Variants in CDH15 observed in about 807,000 individuals in gnomAD.
CDH15 encodes the protein cadherin 15.
In CDH15, 73 loss-of-function variants were observed where a neutral mutation model predicts 69.4. The ratio of observed to expected loss-of-function variants is 1.05; its 90% CI spans 0.87 to 1.28. CDH15 has a LOEUF of 1.28. CDH15 is among the 50% of genes most tolerant of loss of function. The pLI is 0.00. For synonymous variants in CDH15, 624 were observed against 507.7 expected (o/e 1.23, Z -3.08); for missense variants, 1,343 against 1,133.6 (o/e 1.18, Z -2.65).
intron 9 of CDH15, 70 bp downstream of exon 9, chr16:89,191,542 G>A (rs936700555): frequency 6.9e-5 from 110 of 1,596,866 alleles, no homozygotes; most frequent in Middle Eastern, 1.8e-4. Flanking sequence ...TGCCAGTGTC[G>A]GAGGGCTCTG....
chr16:89,180,966 C>T (rs1477097771), intron 3 of CDH15, among the ~76,000 whole-genome samples: 6 of 99,690 alleles, frequency 6.0e-5, no homozygotes, highest in African/African-American at 2.0e-4. Context: ...TGAGCCACCG[C>T]GCCCGACCTT....
intron 7 of CDH15, among the ~76,000 whole-genome samples, 161 bp from the exon 8 acceptor site, chr16:89,190,082 G>A (rs1166178269): frequency 6.6e-6 from 1 of 152,226 alleles, no homozygotes; most frequent in Non-Finnish European, 1.5e-5. Context: ...TATTCTTTGT[G>A]CCTTCTTGTC....
intron 1 of CDH15, among the ~76,000 whole-genome samples, chr16:89,175,946 G>A (rs1915246930): frequency 2.6e-5 from 4 of 152,384 alleles, no homozygotes; most frequent in African/African-American, 7.2e-5. Context: ...GGCTGCTGCC[G>A]CTGCCTGTGG....
intron 10 of CDH15, 137 bp from the exon 11 acceptor site, chr16:89,192,065 CATT>C (rs1915660189): frequency 3.3e-6 from 4 of 1,218,730 alleles, no homozygotes; most frequent in Non-Finnish European, 4.5e-6. Context: ...CAGGGTTACT[CATT>C]GTGCCCAGAG....
intron 1 of CDH15, 45 bp from the exon 2 acceptor site, chr16:89,179,371 G>A: frequency 3.1e-6 from 5 of 1,611,090 alleles, no homozygotes; most frequent in East Asian, 2.2e-5. Context: ...TGCCGCCCAG[G>A]GCTCCAGGAG....
chr16:89,193,556 C>T lies in CDH15; in HGVS notation c.1942C>T (p.Arg648Ter), dbSNP rs766630872. 1.9e-6 allele frequency: 3 copies of T among 1,610,806 alleles called. No homozygotes were observed. The highest frequency in any genetic ancestry group is 2.5e-6 in the Non-Finnish European group (3 of 1,179,362). Residue 648 changes from arginine to a stop codon, truncating the protein, a stop_gained, in exon 12 of 14, where the codon CGA becomes TGA. Coordinates refer to ENST00000289746, the MANE Select transcript of CDH15 (RefSeq NM_004933.3). LOFTEE classifies it high-confidence loss of function. ...GLLHGPQDDL[R>*]DNVLNYDEQG... is the part of the protein sequence containing the mutation. ...GCTGCACGGCCCCCAGGACGACCTT[C>T]GAGACAATGTCCTCAACTACGATGA... is the stretch of plus-strand genomic sequence containing the variant.
chr16:89,184,253 T>A (rs1468419855), intron 4 of CDH15, among the ~76,000 whole-genome samples: 1 of 152,128 alleles, frequency 6.6e-6, no homozygotes, highest in Non-Finnish European at 1.5e-5. Context: ...GGCAGTGGCC[T>A]CCGCGCCTCG....
intron 1 of CDH15, 99 bp downstream of exon 1, chr16:89,171,972 G>T: frequency 1.5e-6 from 2 of 1,304,940 alleles, no homozygotes; most frequent in Non-Finnish European, 2.1e-6. Context: ...AGAACCACTG[G>T]CCCTGGTCGC....
Position 89,185,233 on chromosome 16 carries a change from C to T in CDH15, c.563C>T (p.Ala188Val), listed in dbSNP as rs768126291. 27 of 1,605,608 alleles carry T rather than the reference C, an allele frequency of 1.7e-5. No homozygotes were observed. The highest frequency in any genetic ancestry group is 3.3e-4 in the Middle Eastern group (2 of 6,074). Reference protein sequence around the residue: ...DADDPETDNAALRFSILQQGS... With the variant: ...DADDPETDNAVLRFSILQQGS... ...GACGACCCCGAGACGGACAACGCAG[C>T]GCTGCGGTTCTCCATCCTGCAGCAG... The change falls in exon 5 of 14, where the codon GCG (alanine) becomes GTG (valine). Residue 188 changes from alanine to valine, a missense_variant. Ala to Val is a moderately conservative substitution (Grantham distance 64). Transcript: ENST00000289746.
rs1332523479 is a variant in CDH15, at chr16:89,191,437, G to C, written c.1340G>C (p.Gly447Ala). 1 of 1,612,688 alleles carries C rather than the reference G, an allele frequency of 6.2e-7. No homozygotes were observed. The highest frequency in any genetic ancestry group is 1.1e-5 in the South Asian group (1 of 91,080). ...CCGGCGTCCCCCTTCCTCAAGGGCG[G>C]CTGGTACAGAGCCATCGTCCTGGCC... is the stretch of plus-strand genomic sequence containing the variant. ...LSPASPFLKG[G>A]WYRAIVLAQD... is the part of the protein sequence containing the mutation. Residue 447 changes from glycine (G) to alanine (A), a missense_variant, in exon 9 of 14, where the codon GGC becomes GCC. Transcript: ENST00000289746.
intron 1 of CDH15, among the ~76,000 whole-genome samples, chr16:89,174,357 A>G (rs762074672): frequency 1.3e-5 from 2 of 151,740 alleles, no homozygotes; most frequent in Non-Finnish European, 2.9e-5. Context: ...TCCCAGGCAA[A>G]CCCACCCACA....
chr16:89,175,243 G>A (rs1003193517), intron 1 of CDH15, among the ~76,000 whole-genome samples: 7 of 152,368 alleles, frequency 4.6e-5, no homozygotes, highest in African/African-American at 1.4e-4. Flanking sequence ...GGCTGGCCCA[G>A]GTTTGGTGGC....
chr16:89,183,195 A>C, intron 3 of CDH15: 1 of 210,478 alleles, frequency 4.8e-6, no homozygotes, highest in Non-Finnish European at 9.6e-6. Flanking sequence ...AAAAAAAAAC[A>C]AAAAACAAAA....
chr16:89,171,985 T>C (rs1214023835), intron 1 of CDH15, 112 bp downstream of exon 1: 1 of 1,182,570 alleles, frequency 8.5e-7, no homozygotes, highest in Admixed American at 2.0e-5. Flanking sequence ...CTGGTCGCCT[T>C]TGGGGGCCTG....
chr16:89,188,330 G>T (rs1167504567), intron 7 of CDH15, 45 bp downstream of exon 7: 1 of 1,542,842 alleles, frequency 6.5e-7, no homozygotes, highest in Non-Finnish European at 8.9e-7. Context: ...AGACGCAGAT[G>T]CCGACACACA....
At chr16:89,174,482 G>A (rs932160484) in intron 1 of CDH15, among the ~76,000 whole-genome samples, 4 of 152,238 alleles carry the variant, frequency 2.6e-5, no homozygotes, top group African/African-American at 9.6e-5. Context: ...AGTGGTGTTC[G>A]TAAACCCCAT....
Position 89,191,879 on chromosome 16 carries a change from C to G in CDH15, c.1600C>G (p.Leu534Val). The G allele has an allele frequency of 6.3e-7, 1 of 1,584,906 alleles. No individual in the cohort carries two copies. The highest frequency in any genetic ancestry group is 8.5e-7 in the Non-Finnish European group (1 of 1,171,920). Residue 534 changes from leucine to valine, a missense_variant, in exon 10 of 14, where the codon CTC (leucine) becomes GTC (valine). Coordinates refer to ENST00000289746, the MANE Select transcript of CDH15 (RefSeq NM_004933.3). Reference sequence around the variant, plus strand: ...CCCAGAGCTCGGCCGGAACTGGAGCCTCAGCCAGGTCAACGGTGCGCTCCC... The same window carrying G: ...CCCAGAGCTCGGCCGGAACTGGAGCGTCAGCCAGGTCAACGGTGCGCTCCC... ...RLPELGRNWSLSQVNVSHARL... is the reference protein window; with the variant it reads ...RLPELGRNWSVSQVNVSHARL...
intron 5 of CDH15, among the ~76,000 whole-genome samples, chr16:89,186,695 T>C (rs1301771801): frequency 8.1e-6 from 1 of 122,918 alleles, no homozygotes. Context: ...AGGTGCTCTG[T>C]GAACACCCAG....
intron 3 of CDH15, among the ~76,000 whole-genome samples, chr16:89,180,597 G>A (rs1001113547): frequency 6.6e-6 from 1 of 152,248 alleles, no homozygotes; most frequent in African/African-American, 2.4e-5. Context: ...GTCCCGTGGA[G>A]GAGCGGCTTG....
Sources: gnomAD v4.1 joint callset for allele counts (sites outside exome capture counted in the v4.1 genomes callset) on GRCh38, gnomAD v4.1.1 for gene constraint, MANE v1.5 for transcripts, NCBI Gene and HGNC (gene_info 2026-07-23, HGNC 2026-07-21) for gene names.